SOX5: variants seen among roughly 807,000 people sequenced by gnomAD.
SOX5 encodes SRY-box transcription factor 5.
A neutral mutation model predicts 92.0 loss-of-function variants in SOX5; 9 were observed. That is an observed-to-expected ratio of 0.10 (90% confidence interval 0.06 to 0.17). SOX5 has a LOEUF of 0.17. SOX5 is among the 10% of genes least tolerant of loss of function. The pLI is 1.00. For synonymous variants in SOX5, 344 were observed against 336.3 expected (o/e 1.02, Z -0.25); for missense variants, 642 against 944.5 (o/e 0.68, Z 4.20).
chr12:23,734,985 C>T (rs76287208), intron 5 of SOX5, among the ~76,000 whole-genome samples: 6,428 of 152,174 alleles, frequency 0.042, 469 homozygotes, highest in African/African-American at 0.15. Context: ...TAAGATACCA[C>T]GGCAGTGATC....
rs1049392715 is a variant in SOX5 at position 23,531,286 on chromosome 12, A to C, written c.*2933T>G. On this transcript the variant is annotated 3_prime_UTR_variant, in exon 15 of 15. Coordinates refer to ENST00000451604, the MANE Select transcript of SOX5 (RefSeq NM_006940.6). Reference sequence around the variant, plus strand: ...TCGGACATAAACCTAACTAAAATCAAATTTTGAATTTCAGCAGTTAAAAGT... The same window carrying C: ...TCGGACATAAACCTAACTAAAATCACATTTTGAATTTCAGCAGTTAAAAGT... 3 of 152,142 alleles carry C rather than the reference A, an allele frequency of 2.0e-5. No homozygotes were observed. In the South Asian group the frequency reaches 6.2e-4, roughly 32 times the overall value. The allele number at this position is 152,142 out of a possible 1,614,324, so 9.4% of individuals were successfully genotyped here.
At chr12:24,552,803 C>T (rs149910030) in intron 1 of SOX5, among the ~76,000 whole-genome samples, 1 of 152,310 alleles carries the variant, frequency 6.6e-6, no homozygotes, top group African/African-American at 2.4e-5. Context: ...AGTTCAAGAC[C>T]AGCCTGGGCA....
At chr12:24,089,184 T>C (rs1265342707) in intron 4 of SOX5, among the ~76,000 whole-genome samples, 1 of 152,114 alleles carries the variant, frequency 6.6e-6, no homozygotes, top group Non-Finnish European at 1.5e-5. Flanking sequence ...TTCTAGCTGA[T>C]CAGTAATTCC....
intron 6 of SOX5, among the ~76,000 whole-genome samples, chr12:23,674,415 G>A (rs2085323211): frequency 7.4e-6 from 1 of 135,292 alleles, no homozygotes; most frequent in Non-Finnish European, 1.5e-5. Flanking sequence ...TCGGCTCTCT[G>A]CAACCTCCGC....
intron 2 of SOX5, among the ~76,000 whole-genome samples, chr12:24,364,472 G>C (rs1355274110): frequency 7.2e-6 from 1 of 138,374 alleles, no homozygotes; most frequent in African/African-American, 2.7e-5. Flanking sequence ...AATATCCATT[G>C]ATTTGTGTCA....
At chr12:24,067,426 G>A (rs977581865) in intron 4 of SOX5, among the ~76,000 whole-genome samples, 4 of 152,004 alleles carry the variant, frequency 2.6e-5, no homozygotes, top group African/African-American at 9.7e-5. Context: ...CCAAACTCCA[G>A]TGCCTTTCAA....
At chr12:24,418,721 G>C (rs1965434288) in intron 1 of SOX5, among the ~76,000 whole-genome samples, 1 of 152,112 alleles carries the variant, frequency 6.6e-6, no homozygotes, top group Non-Finnish European at 1.5e-5. Context: ...TTATTAAACT[G>C]GTTTGACTCT....
chr12:23,688,202 T>C (rs1209411511), intron 6 of SOX5, among the ~76,000 whole-genome samples: 1 of 152,032 alleles, frequency 6.6e-6, no homozygotes, highest in African/African-American at 2.4e-5. Context: ...ATGATATAGT[T>C]CTCATCTCAA....
chr12:24,235,872 T>C (rs1172267393), intron 3 of SOX5, among the ~76,000 whole-genome samples: 1 of 152,190 alleles, frequency 6.6e-6, no homozygotes, highest in African/African-American at 2.4e-5. Context: ...TAGACAACTT[T>C]GCATGATCCA....
chr12:24,314,714 C>T (rs114018973), intron 2 of SOX5, among the ~76,000 whole-genome samples: 2,129 of 152,284 alleles, frequency 0.014, 53 homozygotes, highest in African/African-American at 0.049. Flanking sequence ...CTATTCACTC[C>T]TTCATGCATT....
At chr12:24,242,546 C>A (rs1029485902) in intron 3 of SOX5, among the ~76,000 whole-genome samples, 3 of 152,088 alleles carry the variant, frequency 2.0e-5, no homozygotes, top group Admixed American at 6.6e-5. Flanking sequence ...GATCTTTATT[C>A]CCACTGAGTT....
intron 4 of SOX5, among the ~76,000 whole-genome samples, chr12:24,066,314 T>C (rs1347604234): frequency 6.6e-6 from 1 of 152,186 alleles, no homozygotes; most frequent in African/African-American, 2.4e-5. Context: ...TTGTAAGATG[T>C]AATAAAATAC....
chr12:23,655,584 C>G (rs1466064174), intron 7 of SOX5, among the ~76,000 whole-genome samples: 2 of 152,152 alleles, frequency 1.3e-5, no homozygotes, highest in African/African-American at 2.4e-5. Context: ...ATTTAATTTG[C>G]TGACTCCCTT....
chr12:23,800,107 A>G lies in SOX5; in HGVS notation c.482-44383T>C, dbSNP rs533927113. Among the ~76,000 whole-genome samples, 12 of 152,234 alleles carry G rather than the reference A, an allele frequency of 7.9e-5. No homozygotes were observed. In the East Asian group the frequency reaches 2.3e-3, roughly 29 times the overall value. On this transcript the variant is annotated intron_variant, in intron 3 of 14. Coordinates refer to ENST00000451604, the MANE Select transcript of SOX5 (RefSeq NM_006940.6). ...TGAGATGCTAGTCCAGGAGTCAGTC[A>G]AACACAGCCCATGGGCCAAATTCTA...
chr12:24,264,193 G>A (rs1229563000), intron 3 of SOX5, among the ~76,000 whole-genome samples: 1 of 152,070 alleles, frequency 6.6e-6, no homozygotes, highest in African/African-American at 2.4e-5. Context: ...GTCCAGTTTA[G>A]CCTATTCTTT....
chr12:24,172,078 CGTGT>C (rs140419339), intron 4 of SOX5, among the ~76,000 whole-genome samples: 1 of 139,060 alleles, frequency 7.2e-6, no homozygotes, highest in Non-Finnish European at 1.6e-5. Context: ...ACTGTGTGTG[CGTGT>C]GTGTGTGTGT....
intron 3 of SOX5, among the ~76,000 whole-genome samples, chr12:23,836,586 A>G (rs1030187283): frequency 3.3e-5 from 5 of 152,100 alleles, no homozygotes; most frequent in African/African-American, 9.6e-5. Flanking sequence ...TGTATGGTGC[A>G]CTATTCTTTT....
intron 3 of SOX5, among the ~76,000 whole-genome samples, chr12:24,270,155 G>A (rs1943542681): frequency 2.0e-5 from 3 of 151,874 alleles, no homozygotes; most frequent in South Asian, 2.1e-4. Flanking sequence ...TCCACCTCCC[G>A]GGTTCAAGCA....
At chr12:24,524,340 C>CATCTCTCT (rs1555335378) in intron 1 of SOX5, among the ~76,000 whole-genome samples, 1 of 145,150 alleles carries the variant, frequency 6.9e-6, no homozygotes, top group African/African-American at 2.6e-5. Flanking sequence ...AATCCCCTCC[C>CATCTCTCT]ATCTATCTAT....
Sources: gnomAD v4.1 joint callset for allele counts (sites outside exome capture counted in the v4.1 genomes callset) on GRCh38, gnomAD v4.1.1 for gene constraint, MANE v1.5 for transcripts, NCBI Gene and HGNC (gene_info 2026-07-23, HGNC 2026-07-21) for gene names.